Variants in DRC11 observed in about 807,000 individuals in gnomAD.
DRC11 encodes dynein regulatory complex subunit 11, also known as IQ and AAA domain-containing protein 1.
chr2:236,331,950 C>T, the DRC11 span: 2 of 195,200 alleles, frequency 1.0e-5, no homozygotes, highest in African/African-American at 2.3e-5. The surrounding 1 kb of genome is among the most constrained non-coding windows in gnomAD (Gnocchi z 4.8). Context: ...AATGGCATCT[C>T]TTCTCATCAG....
At chr2:236,360,420 C>T in the DRC11 span, among the ~76,000 whole-genome samples, 17 of 152,278 alleles carry the variant, frequency 1.1e-4, 1 homozygote, top group South Asian at 2.1e-4. The surrounding 1 kb of genome is among the most constrained non-coding windows in gnomAD (Gnocchi z 5.8). Flanking sequence ...TAGATGCTTA[C>T]GAAACACTAA....
chr2:236,458,949 G>T, the DRC11 span, among the ~76,000 whole-genome samples: 17 of 152,280 alleles, frequency 1.1e-4, no homozygotes, highest in African/African-American at 4.1e-4. Flanking sequence ...GGAGGCTGAA[G>T]CAAGAGAATT....
the DRC11 span, chr2:236,488,106 G>A: frequency 9.3e-6 from 15 of 1,610,396 alleles, no homozygotes; most frequent in Non-Finnish European, 1.3e-5. Context: ...CATGAATAAA[G>A]CCCTTAGGCG....
At chr2:236,399,146 C>G in the DRC11 span, among the ~76,000 whole-genome samples, 2 of 152,060 alleles carry the variant, frequency 1.3e-5, no homozygotes, top group South Asian at 2.1e-4. The surrounding 1 kb of genome is among the most constrained non-coding windows in gnomAD (Gnocchi z 7.0). Context: ...CCCGCTGTTA[C>G]GCCCAGCTAA....
At chr2:236,440,981 A>C in the DRC11 span, 1 of 1,045,582 alleles carries the variant, frequency 9.6e-7, no homozygotes, top group Non-Finnish European at 1.4e-6. Flanking sequence ...CATTAATTTT[A>C]AAGTTTAAAG....
the DRC11 span, among the ~76,000 whole-genome samples, chr2:236,382,121 T>C: frequency 9.2e-5 from 14 of 152,354 alleles, no homozygotes; most frequent in South Asian, 4.1e-4. Flanking sequence ...AATTTTTATA[T>C]AATGTGTGAG....
At chr2:236,338,424 A>T in the DRC11 span, 4 of 1,546,678 alleles carry the variant, frequency 2.6e-6, no homozygotes, top group Admixed American at 4.1e-5. Context: ...ATAGAAAAAA[A>T]GAATGAAAAA....
the DRC11 span, among the ~76,000 whole-genome samples, chr2:236,339,281 T>C: frequency 6.6e-6 from 1 of 152,214 alleles, no homozygotes; most frequent in African/African-American, 2.4e-5. Context: ...TATTATTGAG[T>C]TGTAAGGGTT....
the DRC11 span, among the ~76,000 whole-genome samples, chr2:236,327,557 CT>C: frequency 0.32 from 48,035 of 151,880 alleles, 9,705 homozygotes; most frequent in African/African-American, 0.58. Context: ...CTCTTAAACT[CT>C]CTTTGATTTC....
At chr2:236,459,547 G>GTACGTA in the DRC11 span, among the ~76,000 whole-genome samples, 16 of 117,524 alleles carry the variant, frequency 1.4e-4, no homozygotes, top group African/African-American at 2.4e-4. Flanking sequence ...ATACGTATAC[G>GTACGTA]TATACATGTA....
chr2:236,395,360 C>A, the DRC11 span, among the ~76,000 whole-genome samples: 1 of 152,184 alleles, frequency 6.6e-6, no homozygotes, highest in Non-Finnish European at 1.5e-5. Context: ...CCAGTGAGAG[C>A]CAGCCCGAGA....
chr2:236,465,099 G>T, the DRC11 span, among the ~76,000 whole-genome samples: 1 of 152,112 alleles, frequency 6.6e-6, no homozygotes, highest in Admixed American at 6.5e-5. This position sits in a 1 kb window ranked among gnomAD's most constrained non-coding sequence, Gnocchi z 6.2. Context: ...CAGGTGTCTA[G>T]TCCCAGGAAT....
the DRC11 span, among the ~76,000 whole-genome samples, chr2:236,357,522 A>AT: frequency 1.6e-5 from 2 of 127,308 alleles, no homozygotes; most frequent in African/African-American, 6.3e-5. Flanking sequence ...AAATATATTT[A>AT]TATATTATGA....
At chr2:236,464,845 A>G in the DRC11 span, among the ~76,000 whole-genome samples, 1 of 151,162 alleles carries the variant, frequency 6.6e-6, no homozygotes, top group South Asian at 2.1e-4. Flanking sequence ...CCAACCCCGC[A>G]CTCTCTCTTT....
chr2:236,347,508 C>CTCTATATATATATATATATATA, the DRC11 span, among the ~76,000 whole-genome samples: 87 of 107,528 alleles, frequency 8.1e-4, 3 homozygotes, highest in Middle Eastern at 4.8e-3. Context: ...AAAAACTGTG[C>CTCTATATATATATATATATATA]TATATATATA....
chr2:236,402,761 C>T, the DRC11 span, among the ~76,000 whole-genome samples: 1 of 152,170 alleles, frequency 6.6e-6, no homozygotes, highest in Admixed American at 6.5e-5. This position sits in a 1 kb window ranked among gnomAD's most constrained non-coding sequence, Gnocchi z 6.0. Flanking sequence ...TAGCTACGCC[C>T]CATTCCTGGC....
At chr2:236,416,284 G>C in the DRC11 span, among the ~76,000 whole-genome samples, 13 of 152,178 alleles carry the variant, frequency 8.5e-5, no homozygotes, top group African/African-American at 2.4e-4. Context: ...GTACTATCAC[G>C]TGACTGTCCT....
the DRC11 span, chr2:236,380,605 TTCTC>T: frequency 1.9e-6 from 3 of 1,551,630 alleles, no homozygotes; most frequent in Admixed American, 3.9e-5. The surrounding 1 kb of genome is among the most constrained non-coding windows in gnomAD (Gnocchi z 4.9). Flanking sequence ...CTTTGCCTTC[TTCTC>T]TTTCTTTTTG....
At chr2:236,451,984 A>C in the DRC11 span, among the ~76,000 whole-genome samples, 1 of 152,174 alleles carries the variant, frequency 6.6e-6, no homozygotes, top group African/African-American at 2.4e-5. Context: ...AAACTCTTTG[A>C]TTTACATGTG....
Sources: allele counts gnomAD v4.1 joint callset (sites outside exome capture counted in the v4.1 genomes callset), GRCh38; gene constraint gnomAD v4.1.1; non-coding constraint Gnocchi (gnomAD v3.1); transcripts MANE v1.5; gene names NCBI Gene and HGNC (gene_info 2026-07-23, HGNC 2026-07-21).